MTHFD2L: variants seen among roughly 807,000 people sequenced by gnomAD.
MTHFD2L encodes the protein bifunctional methylenetetrahydrofolate dehydrogenase/cyclohydrolase 2, mitochondrial.
A neutral mutation model predicts 34.9 loss-of-function variants in MTHFD2L; 29 were observed. The ratio of observed to expected loss-of-function variants is 0.83; its 90% CI spans 0.62 to 1.13. The LOEUF (loss-of-function observed/expected upper bound fraction) is 1.13. MTHFD2L is among the 50% of genes most tolerant of loss of function. MTHFD2L has a pLI of 0.00. For missense variants in MTHFD2L, 481 were observed against 446.5 expected, an observed-to-expected ratio of 1.08 and a Z score of -0.70; for synonymous variants, 167 against 155.7, an observed-to-expected ratio of 1.07 and a Z score of -0.54.
chr4:74,260,061 G>T (rs949663645), intron 6 of MTHFD2L, among the ~76,000 whole-genome samples: 10 of 152,090 alleles, frequency 6.6e-5, no homozygotes, highest in Non-Finnish European at 1.3e-4. Flanking sequence ...AAACCCTCTG[G>T]GCTCTAGGCA....
At chr4:74,257,884 A>G (rs1366302742) in intron 6 of MTHFD2L, among the ~76,000 whole-genome samples, 1 of 152,178 alleles carries the variant, frequency 6.6e-6, no homozygotes, top group Non-Finnish European at 1.5e-5. Flanking sequence ...AAAAGTCCAC[A>G]TACACACACA....
At chr4:74,181,976 A>G (rs1578377584) in intron 3 of MTHFD2L, among the ~76,000 whole-genome samples, 1 of 152,322 alleles carries the variant, frequency 6.6e-6, no homozygotes, top group East Asian at 1.9e-4. Context: ...AGAAATTATC[A>G]AATTTATGTA....
chr4:74,169,568 T>A (rs1236823407), intron 1 of MTHFD2L, among the ~76,000 whole-genome samples: 2 of 152,250 alleles, frequency 1.3e-5, no homozygotes, highest in Non-Finnish European at 2.9e-5. Context: ...CTAGTTTTTT[T>A]AACAGATGAA....
chr4:74,256,734 T>G (rs1245506881), intron 6 of MTHFD2L, among the ~76,000 whole-genome samples: 2 of 152,238 alleles, frequency 1.3e-5, no homozygotes, highest in Non-Finnish European at 2.9e-5. Flanking sequence ...AACGTATAAC[T>G]ATTTGCTATA....
chr4:74,253,232 C>G (rs555831645), intron 6 of MTHFD2L, among the ~76,000 whole-genome samples: 1 of 152,088 alleles, frequency 6.6e-6, no homozygotes, highest in East Asian at 1.9e-4. Flanking sequence ...AAAAGTGAGC[C>G]ACTCCCCCAC....
chr4:74,151,194 T>C (rs1037472559), intron 1 of MTHFD2L, among the ~76,000 whole-genome samples: 2 of 152,102 alleles, frequency 1.3e-5, no homozygotes, highest in African/African-American at 2.4e-5. Flanking sequence ...AAATAAACTA[T>C]CAATAAGTTA....
At chr4:74,128,700 A>G (rs1282139030) in intron 1 of MTHFD2L, among the ~76,000 whole-genome samples, 1 of 151,904 alleles carries the variant, frequency 6.6e-6, no homozygotes, top group African/African-American at 2.4e-5. Flanking sequence ...CTATTCAGGG[A>G]ATTTTTTAGT....
rs530557945 is a variant in MTHFD2L at position 74,193,237 on chromosome 4, A to G, written c.452-6557A>G. Reference sequence around the variant, plus strand: ...CACTTTGCTTTCGCATTGAATTACTATGGCATTTTTGTGGCATTCACATTC... The same window carrying G: ...CACTTTGCTTTCGCATTGAATTACTGTGGCATTTTTGTGGCATTCACATTC... On this transcript the variant is annotated intron_variant, in intron 3 of 7. Coordinates refer to ENST00000325278, the MANE Select transcript of MTHFD2L (RefSeq NM_001144978.3). Among the ~76,000 whole-genome samples the G allele has an allele frequency of 2.6e-5, 4 of 152,262 alleles. No individual in the cohort carries two copies. The South Asian group carries it at 8.3e-4, about 32-fold the overall frequency.
chr4:74,148,317 C>CT (rs1261957948), intron 1 of MTHFD2L, among the ~76,000 whole-genome samples: 1 of 148,514 alleles, frequency 6.7e-6, no homozygotes, highest in Non-Finnish European at 1.5e-5. Context: ...ATTTGTGGTC[C>CT]CCCCCTTTTT....
chr4:74,215,739 G>T (rs1737098340), intron 5 of MTHFD2L, among the ~76,000 whole-genome samples: 1 of 151,744 alleles, frequency 6.6e-6, no homozygotes, highest in Non-Finnish European at 1.5e-5. Context: ...CAATGCAAAT[G>T]AGAATAGTGA....
chr4:74,267,312 TCTTTCTCTTTCTC>T (rs2110237187), intron 6 of MTHFD2L: 3 of 784,746 alleles, frequency 3.8e-6, no homozygotes, highest in Non-Finnish European at 4.6e-6. Context: ...TTCTTTTCTT[TCTTTCTCTTTCTC>T]TCTTTCTTTC....
At chr4:74,157,904 A>T (rs1333104853), upstream of MTHFD2L, 13 of 693,398 alleles carry the variant, frequency 1.9e-5, no homozygotes, top group Non-Finnish European at 2.8e-5. Flanking sequence ...CCACATCCTC[A>T]GAGGGCCCGG....
intron 5 of MTHFD2L, among the ~76,000 whole-genome samples, chr4:74,215,687 T>C (rs932755260): frequency 2.0e-5 from 3 of 151,562 alleles, no homozygotes; most frequent in Non-Finnish European, 4.4e-5. Context: ...AACTTAAAAC[T>C]AAAAATTCCA....
chr4:74,274,012 A>ATT lies in MTHFD2L; in HGVS notation c.806-7404_806-7403dup, dbSNP rs545489038. 6.7e-4 allele frequency among the ~76,000 whole-genome samples: 101 copies of ATT among 150,340 alleles called. 1 individual carries two copies. Among genetic ancestry groups the ATT allele is most frequent in the Middle Eastern group, 6.9e-3 (2 of 290 alleles). On this transcript the variant is annotated intron_variant, in intron 6 of 7. Coordinates refer to ENST00000325278, the MANE Select transcript of MTHFD2L (RefSeq NM_001144978.3). ...TTTCTCAGTCCTCAAGAACAGTTTG[A>ATT]TTTTTTTTTTCTTTTTTCAAGTAGA...
intron 6 of MTHFD2L, among the ~76,000 whole-genome samples, chr4:74,274,260 G>A (rs879308988): frequency 6.6e-6 from 1 of 152,176 alleles, no homozygotes; most frequent in African/African-American, 2.4e-5. Context: ...GATATATAGT[G>A]TAGTTAATAA....
chr4:74,238,084 G>A (rs1050357868), intron 6 of MTHFD2L, among the ~76,000 whole-genome samples: 7 of 152,096 alleles, frequency 4.6e-5, no homozygotes, highest in African/African-American at 9.7e-5. Flanking sequence ...AATAGCATCA[G>A]CATATCTAAT....
chr4:74,301,724 C>T lies in MTHFD2L; in HGVS notation c.959C>T (p.Thr320Ile). ...GTTAAAAAGAAAGCTGGCTTTATCACTCCAGTTCCAGGAGGTGTGGGACCC... is the reference window on the plus strand; with the variant it reads ...GTTAAAAAGAAAGCTGGCTTTATCATTCCAGTTCCAGGAGGTGTGGGACCC... Reference protein sequence around the residue: ...EAVKKKAGFITPVPGGVGPMT... With the variant: ...EAVKKKAGFIIPVPGGVGPMT... Residue 320 changes from threonine to isoleucine, a missense_variant, in exon 8 of 8, where the codon ACT becomes ATT. Coordinates refer to ENST00000325278, the MANE Select transcript of MTHFD2L (RefSeq NM_001144978.3). 6.2e-7 allele frequency: 1 copy of T among 1,601,468 alleles called. No individual in the cohort carries two copies. The highest frequency in any genetic ancestry group is 1.1e-5 in the South Asian group (1 of 88,876).
intron 6 of MTHFD2L, among the ~76,000 whole-genome samples, chr4:74,245,797 G>C (rs1742349124): frequency 6.6e-6 from 1 of 151,980 alleles, no homozygotes; most frequent in Non-Finnish European, 1.5e-5. Context: ...TCCCTACAAA[G>C]GACATGAACT....
intron 6 of MTHFD2L, chr4:74,267,166 A>G: frequency 1.0e-6 from 1 of 985,202 alleles, no homozygotes; most frequent in Non-Finnish European, 1.2e-6. Flanking sequence ...TACTCTGTGA[A>G]TAACATGACA....
Sources: gnomAD v4.1 joint callset for allele counts (sites outside exome capture counted in the v4.1 genomes callset) on GRCh38, gnomAD v4.1.1 for gene constraint, MANE v1.5 for transcripts, NCBI Gene and HGNC (gene_info 2026-07-23, HGNC 2026-07-21) for gene names.